Variants in LEMD3 observed in about 807,000 individuals in gnomAD.
The protein encoded by LEMD3 is LEM domain containing 3.
Under a neutral mutation model 95.2 loss-of-function variants are expected in LEMD3, and 33 were observed. The observed-to-expected ratio is 0.35, with a 90% CI of 0.26 to 0.46. The LOEUF is 0.46. Among genes scored for constraint, LEMD3 ranks in the 20% least tolerant of loss-of-function variants. LEMD3 has a pLI of 1.00. For synonymous variants in LEMD3, 525 were observed against 474.6 expected (o/e 1.11, Z -1.38); for missense variants, 1,210 against 1,192.8 (o/e 1.01, Z -0.21).
At chr12:65,218,502 CTGTT>C (rs1331794347) in intron 3 of LEMD3, 46 bp from the exon 4 acceptor site, 7 of 1,076,752 alleles carry the variant, frequency 6.5e-6, no homozygotes, top group Middle Eastern at 2.7e-4. Context: ...TTGTTTTCTT[CTGTT>C]TAAGAGAGTA....
chr12:65,217,684 G>A (rs117387379), intron 3 of LEMD3, among the ~76,000 whole-genome samples: 3 of 152,182 alleles, frequency 2.0e-5, no homozygotes, highest in Non-Finnish European at 2.9e-5. Context: ...CCCTGAATTC[G>A]CTTCTTATCA....
At position 65,170,453 on chromosome 12, in the gene LEMD3, C is replaced by G. The variant is rs769441217; in HGVS notation, c.857C>G (p.Pro286Arg). The G allele has an allele frequency of 3.7e-6, 6 of 1,613,692 alleles. No homozygotes were observed. The South Asian group carries it at 4.4e-5, about 12-fold the overall frequency. ...LKDDSLSRHR[P>R]RRTHSKPLPP... ...GACGACTCCCTTTCCCGGCATCGGC[C>G]CAGACGAACCCATAGTAAGCCTCTC... is the stretch of plus-strand genomic sequence containing the variant. The change falls in exon 1 of 13, where the codon CCC becomes CGC. Residue 286 changes from proline (P) to arginine (R), a missense_variant. By Grantham distance (103) the Pro-to-Arg change is moderately radical (BLOSUM62 -2). This residue lies in a region of LEMD3 where 749 missense variants were observed against 622.9 expected (regional missense o/e 1.20). Coordinates refer to ENST00000308330, the MANE Select transcript of LEMD3 (RefSeq NM_014319.5).
Position 65,246,643 on chromosome 12 carries a change from C to T in LEMD3, c.*318C>T. 2 of 315,458 alleles carry T rather than the reference C, an allele frequency of 6.3e-6. No homozygotes were observed. Among genetic ancestry groups the T allele is most frequent in the South Asian group, 7.1e-5 (2 of 27,978 alleles). 19.5% of individuals were successfully genotyped at this position (315,458 alleles called of 1,614,324 possible). ...TTGCCCCAAGAAGTGTTTGGATAAC[C>T]ACACAAAAGCATGATGAAAAGGCTT... On this transcript the variant is annotated 3_prime_UTR_variant, in exon 13 of 13. Coordinates refer to ENST00000308330, the MANE Select transcript of LEMD3 (RefSeq NM_014319.5).
At chr12:65,171,269 T>A (rs1868543000) in intron 1 of LEMD3, 151 bp downstream of exon 1, 1 of 1,351,020 alleles carries the variant, frequency 7.4e-7, no homozygotes, top group Non-Finnish European at 1.0e-6. Context: ...TCATCTTTCT[T>A]AAAGAACACC....
intron 1 of LEMD3, among the ~76,000 whole-genome samples, chr12:65,195,836 T>C (rs1265831303): frequency 6.6e-6 from 1 of 152,186 alleles, no homozygotes; most frequent in Non-Finnish European, 1.5e-5. Flanking sequence ...ATTTCTTTTA[T>C]AGATGTAAAT....
In LEMD3 at chr12:65,245,676, G is replaced by A; in HGVS notation, c.2395G>A (p.Gly799Arg). ...GTTTTCATTAACTTTTAGGGAAATA[G>A]GGGATCAGTGGCATTTGGCAATTCA... ...RNMFDPVMEI[G>R]DQWHLAIQEA... is the part of the protein sequence containing the mutation. Residue 799 changes from glycine to arginine, a missense_variant, in exon 11 of 13, where the codon GGG (glycine) becomes AGG (arginine). Transcript: ENST00000308330. The A allele has an allele frequency of 1.2e-6, 2 of 1,612,348 alleles. No homozygotes were observed. Among genetic ancestry groups the A allele is most frequent in the Non-Finnish European group, 1.7e-6 (2 of 1,178,492 alleles).
Position 65,238,459 on chromosome 12 carries a change from A to C in LEMD3, c.1696-43A>C. ...TAAAGGATACTTTACAGAGAGTCGA[A>C]TGTAGATTAAGAATAGTTATTTTTC... On this transcript the variant is annotated intron_variant, in intron 4 of 12. Transcript: ENST00000308330. The C allele has an allele frequency of 4.1e-6, 5 of 1,217,470 alleles. No individual in the cohort carries two copies. In the Admixed American group the frequency reaches 6.8e-5, roughly 17 times the overall value. 75.4% of individuals were successfully genotyped at this position (1,217,470 alleles called of 1,614,324 possible).
Position 65,184,693 on chromosome 12 carries a change from G to A in LEMD3, c.1522+13575G>A, listed in dbSNP as rs558396434. Among the ~76,000 whole-genome samples, 12 of 152,156 alleles carry A rather than the reference G, an allele frequency of 7.9e-5. No individual in the cohort carries two copies. In the South Asian group the frequency reaches 1.2e-3, roughly 16 times the overall value. On this transcript the variant is annotated intron_variant, in intron 1 of 12. Transcript: ENST00000308330. ...CTTGTTGAGTGCTTGGCAAATAAACGTTTTATGCTCATTCGTATCTCATTT... is the reference window on the plus strand; with the variant it reads ...CTTGTTGAGTGCTTGGCAAATAAACATTTTATGCTCATTCGTATCTCATTT...
At chr12:65,180,102 G>A (rs866536368) in intron 1 of LEMD3, among the ~76,000 whole-genome samples, 11 of 151,844 alleles carry the variant, frequency 7.2e-5, no homozygotes, top group Non-Finnish European at 7.4e-5. Context: ...ATGGCACCAC[G>A]CCCGGCTAAT....
chr12:65,192,453 C>T (rs567370293), intron 1 of LEMD3, among the ~76,000 whole-genome samples: 110 of 152,196 alleles, frequency 7.2e-4, no homozygotes, highest in African/African-American at 2.5e-3. Context: ...GTCTTCCTTC[C>T]CATTGTGCAC....
chr12:65,202,641 A>G (rs781704660), intron 1 of LEMD3, among the ~76,000 whole-genome samples: 63 of 152,150 alleles, frequency 4.1e-4, no homozygotes, highest in Non-Finnish European at 1.5e-4. Context: ...GAGAATTGGT[A>G]TAAGTTTTTC....
chr12:65,194,817 C>CCTTAGATTATAATTTATAAATTATAA (rs1424952145), intron 1 of LEMD3, among the ~76,000 whole-genome samples: 1 of 10,426 alleles, frequency 9.6e-5, no homozygotes, highest in Non-Finnish European at 2.3e-4. Context: ...CTTAATTATA[C>CCTTAGATTATAATTTATAAATTATAA]TTTAGATTAT....
chr12:65,181,968 A>G (rs1868919584), intron 1 of LEMD3, among the ~76,000 whole-genome samples: 1 of 152,042 alleles, frequency 6.6e-6, no homozygotes, highest in East Asian at 1.9e-4. Flanking sequence ...GAGAAGAGCA[A>G]ACATTTATTG....
chr12:65,211,455 A>G (rs1001631052), intron 2 of LEMD3, among the ~76,000 whole-genome samples: 2 of 152,230 alleles, frequency 1.3e-5, no homozygotes, highest in African/African-American at 2.4e-5. Flanking sequence ...TTTTTTAAAG[A>G]GTGCTATAAT....
At chr12:65,238,905 G>A in intron 6 of LEMD3, 91 bp downstream of exon 6, 1 of 1,259,000 alleles carries the variant, frequency 7.9e-7, no homozygotes, top group Non-Finnish European at 1.2e-6. Context: ...TCATTTTTGT[G>A]ATGGTTGCCA....
chr12:65,227,963 T>G (rs1261832507), intron 4 of LEMD3, among the ~76,000 whole-genome samples: 1 of 152,186 alleles, frequency 6.6e-6, no homozygotes, highest in Non-Finnish European at 1.5e-5. Flanking sequence ...ATTCAGTATT[T>G]CAGTCCATGG....
chr12:65,227,787 G>A lies in LEMD3; in HGVS notation c.1695+9168G>A, dbSNP rs375430085. 3.5e-5 allele frequency among the ~76,000 whole-genome samples: 5 copies of A among 144,420 alleles called. No individual in the cohort carries two copies. The South Asian group carries it at 6.5e-4, about 19-fold the overall frequency. 94.7% of individuals were successfully genotyped at this position (144,420 alleles called of 152,430 possible). A position where few individuals can be genotyped will look rare whatever the true frequency, so the allele number is the denominator to read the frequency against. ...GCTGTTGTTAATGTATTTTTTGTGT[G>A]GCCCAAGACAGTTCTTCCAGTGGGG... On this transcript the variant is annotated intron_variant, in intron 4 of 12. Transcript: ENST00000308330.
intron 1 of LEMD3, among the ~76,000 whole-genome samples, chr12:65,197,516 C>T (rs939252511): frequency 3.9e-5 from 6 of 152,054 alleles, no homozygotes; most frequent in African/African-American, 1.4e-4. Context: ...TGTCTTTAGC[C>T]TACTTTACCA....
chr12:65,183,531 CTA>C (rs894669242), intron 1 of LEMD3, among the ~76,000 whole-genome samples: 2 of 152,098 alleles, frequency 1.3e-5, no homozygotes, highest in African/African-American at 4.8e-5. Context: ...TGTAATAACT[CTA>C]TGATGTCAGT....
Sources: allele counts gnomAD v4.1 joint callset (sites outside exome capture counted in the v4.1 genomes callset), GRCh38; gene constraint gnomAD v4.1.1; regional missense constraint gnomAD v4.1.1; transcripts MANE v1.5; gene names NCBI Gene and HGNC (gene_info 2026-07-23, HGNC 2026-07-21).